CCBE1: variants seen among roughly 807,000 people sequenced by gnomAD.
The protein encoded by CCBE1 is collagen and calcium-binding EGF domain-containing protein 1.
A neutral mutation model predicts 50.0 loss-of-function variants in CCBE1; 37 were observed. The observed-to-expected ratio is 0.74, with a 90% CI of 0.57 to 0.97. CCBE1 has a LOEUF of 0.97. Ranked by LOEUF, CCBE1 falls within the 50% of genes least tolerant of loss-of-function variation. The pLI is 0.00. For synonymous variants in CCBE1, 234 were observed against 203.7 expected, an observed-to-expected ratio of 1.15 and a Z score of -1.27; for missense variants, 538 against 523.8, an observed-to-expected ratio of 1.03 and a Z score of -0.26.
chr18:59,593,407 T>C lies in CCBE1; in HGVS notation c.212+103222A>G, dbSNP rs185236687. Among the ~76,000 whole-genome samples the C allele has an allele frequency of 2.6e-5, 4 of 152,362 alleles. No individual in the cohort carries two copies. In the East Asian group the frequency reaches 7.7e-4, roughly 29 times the overall value. On this transcript the variant is annotated intron_variant, in intron 2 of 10. Transcript: ENST00000439986. ...TATATTAGCTTAAGAAAAACATGAA[T>C]AGTAGATTGTAAGTATTGCCAACAA...
chr18:59,539,086 G>A (rs1915362607), intron 2 of CCBE1, among the ~76,000 whole-genome samples: 1 of 152,080 alleles, frequency 6.6e-6, no homozygotes, highest in Admixed American at 6.5e-5. Flanking sequence ...TGAAGCAGGA[G>A]GACCGCTTGA....
intron 2 of CCBE1, among the ~76,000 whole-genome samples, chr18:59,521,713 G>A (rs995731016): frequency 2.6e-5 from 4 of 152,002 alleles, no homozygotes; most frequent in Non-Finnish European, 5.9e-5. Context: ...CATGCCACTC[G>A]ATCTGTTTTT....
At chr18:59,498,300 A>C (rs1913452928) in intron 2 of CCBE1, among the ~76,000 whole-genome samples, 1 of 152,184 alleles carries the variant, frequency 6.6e-6, no homozygotes, top group African/African-American at 2.4e-5. Flanking sequence ...AATTTGATAC[A>C]ATTTTGAGAA....
intron 2 of CCBE1, among the ~76,000 whole-genome samples, chr18:59,549,909 C>T (rs60078767): frequency 0.1 from 15,735 of 152,152 alleles, 1,112 homozygotes; most frequent in East Asian, 0.34. Flanking sequence ...TGCAGATAAG[C>T]AAGCTGAGAC....
intron 2 of CCBE1, among the ~76,000 whole-genome samples, chr18:59,500,755 G>A (rs1197988450): frequency 3.9e-5 from 6 of 152,212 alleles, no homozygotes; most frequent in Admixed American, 3.9e-4. Context: ...AGCAGAGAGA[G>A]GCAGAGAAGC....
At chr18:59,498,206 T>G (rs1913447191) in intron 2 of CCBE1, among the ~76,000 whole-genome samples, 1 of 152,180 alleles carries the variant, frequency 6.6e-6, no homozygotes, top group African/African-American at 2.4e-5. Context: ...CTTTTTTTTT[T>G]GTCCAGTTAT....
At chr18:59,465,893 C>T (rs1475117548) in intron 5 of CCBE1, among the ~76,000 whole-genome samples, 1 of 152,128 alleles carries the variant, frequency 6.6e-6, no homozygotes, top group African/African-American at 2.4e-5. Flanking sequence ...TAAGAGCACA[C>T]CACTTCAGCT....
At chr18:59,454,788 A>C (rs1419342547) in intron 6 of CCBE1, 63 bp downstream of exon 6, 2 of 1,298,516 alleles carry the variant, frequency 1.5e-6, no homozygotes, top group South Asian at 1.2e-5. Flanking sequence ...ATATCCTTCC[A>C]CCTGGCCTTG....
At chr18:59,623,199 C>A (rs140861314) in intron 2 of CCBE1, among the ~76,000 whole-genome samples, 81 of 152,196 alleles carry the variant, frequency 5.3e-4, no homozygotes, top group African/African-American at 1.9e-3. Flanking sequence ...AAAAAAAATC[C>A]TTTTTTAAAA....
intron 2 of CCBE1, among the ~76,000 whole-genome samples, chr18:59,624,596 G>C (rs35977939): frequency 0.013 from 1,913 of 152,258 alleles, 24 homozygotes; most frequent in Non-Finnish European, 0.019. Context: ...CTATGACGGT[G>C]GTGGCCACAA....
rs182962458 is a variant in CCBE1, at chr18:59,434,457, A to G, written c.*1451T>C. On this transcript the variant is annotated 3_prime_UTR_variant, in exon 11 of 11. Transcript: ENST00000439986. ...CATTGGAAACAAGAGGGCCCTCAACAACGTTACAAAGGAGCAGATCATCCT... is the reference window on the plus strand; with the variant it reads ...CATTGGAAACAAGAGGGCCCTCAACGACGTTACAAAGGAGCAGATCATCCT... 6.6e-5 allele frequency: 10 copies of G among 152,290 alleles called. No homozygotes were observed. The East Asian group carries it at 1.9e-3, about 29-fold the overall frequency. The allele number at this position is 152,290 out of a possible 1,614,324, so 9.4% of individuals were successfully genotyped here.
At chr18:59,578,800 G>C (rs1037076537) in intron 2 of CCBE1, among the ~76,000 whole-genome samples, 1 of 152,188 alleles carries the variant, frequency 6.6e-6, no homozygotes, top group Non-Finnish European at 1.5e-5. Context: ...GCCCGTCAGG[G>C]CTGGGGGTGG....
intron 2 of CCBE1, among the ~76,000 whole-genome samples, chr18:59,689,370 A>G (rs139150984): frequency 6.6e-6 from 1 of 152,242 alleles, no homozygotes; most frequent in Non-Finnish European, 1.5e-5. Context: ...GAAGTCCTCA[A>G]GGTCATGGTA....
chr18:59,589,717 C>A (rs58420480), intron 2 of CCBE1, among the ~76,000 whole-genome samples: 8 of 144,326 alleles, frequency 5.5e-5, no homozygotes, highest in Admixed American at 3.6e-4. Context: ...GAGAATGGCG[C>A]GAACCCAGGA....
intron 2 of CCBE1, among the ~76,000 whole-genome samples, chr18:59,517,013 ACTT>A (rs1415726724): frequency 2.0e-5 from 3 of 152,296 alleles, no homozygotes; most frequent in South Asian, 2.1e-4. Context: ...CTTGTATATC[ACTT>A]CTTCTTCCTT....
rs201867674 is a variant in CCBE1 at position 59,611,493 on chromosome 18, A to C, written c.212+85136T>G. Among the ~76,000 whole-genome samples, 6 of 152,270 alleles carry C rather than the reference A, an allele frequency of 3.9e-5. No individual in the cohort carries two copies. The East Asian group carries it at 1.2e-3, about 29-fold the overall frequency. ...GGCACAGTGGCTCATGCCTGTAACC[A>C]TAGCACTTTGGGAGGCCAAGGTGGG... On this transcript the variant is annotated intron_variant, in intron 2 of 10. Transcript: ENST00000439986.
intron 2 of CCBE1, among the ~76,000 whole-genome samples, chr18:59,650,354 T>C (rs1327447256): frequency 6.7e-6 from 1 of 150,000 alleles, no homozygotes; most frequent in Admixed American, 6.7e-5. Context: ...CAGAAGAGGC[T>C]CCAGACCTCT....
At position 59,590,415 on chromosome 18, in the gene CCBE1, T is replaced by A. The variant is rs140601219; in HGVS notation, c.212+106214A>T. 2.1e-3 allele frequency among the ~76,000 whole-genome samples: 314 copies of A among 152,336 alleles called. 4 individuals carry two copies. In the East Asian group the frequency reaches 0.032, roughly 16 times the overall value. Reference sequence around the variant, plus strand: ...AAAAAGATATTCCTTGTTCTTGGGCTAGATGACTCAGTAAGGATCAGTTCT... The same window carrying A: ...AAAAAGATATTCCTTGTTCTTGGGCAAGATGACTCAGTAAGGATCAGTTCT... On this transcript the variant is annotated intron_variant, in intron 2 of 10. Coordinates refer to ENST00000439986, the MANE Select transcript of CCBE1 (RefSeq NM_133459.4).
At chr18:59,520,499 C>T (rs968339807) in intron 2 of CCBE1, among the ~76,000 whole-genome samples, 1 of 152,120 alleles carries the variant, frequency 6.6e-6, no homozygotes, top group African/African-American at 2.4e-5. Context: ...AGAAAAAAAC[C>T]CATCTGTTCA....
Sources: allele counts gnomAD v4.1 joint callset (sites outside exome capture counted in the v4.1 genomes callset), GRCh38; gene constraint gnomAD v4.1.1; transcripts MANE v1.5; gene names NCBI Gene and HGNC (gene_info 2026-07-23, HGNC 2026-07-21).